SPOCK3: variants seen among roughly 807,000 people sequenced by gnomAD.
The protein encoded by SPOCK3 is SPARC (osteonectin), cwcv and kazal like domains proteoglycan 3, also known as testican-3.
A neutral mutation model predicts 56.6 loss-of-function variants in SPOCK3; 30 were observed. The ratio of observed to expected loss-of-function variants is 0.53; its 90% CI spans 0.40 to 0.72. The LOEUF (loss-of-function observed/expected upper bound fraction) is 0.72, where lower values mean the gene tolerates loss of function less well. SPOCK3 is among the 30% of genes least tolerant of loss of function. The pLI, the probability that SPOCK3 is intolerant of heterozygous loss-of-function variation, is 0.00. For synonymous variants in SPOCK3, 196 were observed against 183.3 expected, an observed-to-expected ratio of 1.07 and a Z score of -0.56; for missense variants, 527 against 530.0, an observed-to-expected ratio of 0.99 and a Z score of 0.06.
intron 4 of SPOCK3, among the ~76,000 whole-genome samples, chr4:166,976,544 C>G (rs974891782): frequency 2.6e-5 from 4 of 152,160 alleles, no homozygotes; most frequent in African/African-American, 9.7e-5. Flanking sequence ...ACCCAAGTGA[C>G]TCAACCTACT....
At chr4:167,026,979 T>C (rs993188629) in intron 3 of SPOCK3, among the ~76,000 whole-genome samples, 7 of 151,974 alleles carry the variant, frequency 4.6e-5, no homozygotes, top group African/African-American at 1.7e-4. Flanking sequence ...TCCTATCATA[T>C]AATTTTCTCC....
chr4:167,026,634 A>C (rs971695803), intron 3 of SPOCK3, among the ~76,000 whole-genome samples: 3 of 152,042 alleles, frequency 2.0e-5, no homozygotes, highest in African/African-American at 7.2e-5. Flanking sequence ...TTTGAAGTCA[A>C]AATAATAAAG....
rs936402268 is a variant in SPOCK3, at chr4:167,234,050, T to C, written c.124A>G (p.Lys42Glu). 8 of 1,613,970 alleles carry C rather than the reference T, an allele frequency of 5.0e-6. No individual in the cohort carries two copies. The highest frequency in any genetic ancestry group is 6.8e-6 in the Non-Finnish European group (8 of 1,179,992). Residue 42 changes from lysine to glutamate, a missense_variant, in exon 2 of 11, where the codon AAA becomes GAA. Lys to Glu is a moderately conservative substitution (Grantham distance 56). Coordinates refer to ENST00000357545, the MANE Select transcript of SPOCK3 (RefSeq NM_001040159.2). ...RSDGGNFLDD[K>E]QWLTTISQYD... ...TGAGAGATTGTGGTGAGCCATTGTT[T>C]ATCATCCAGAAAATTACCGCCGTCC...
intron 6 of SPOCK3, among the ~76,000 whole-genome samples, chr4:166,837,213 GT>G (rs369375768): frequency 1.6e-3 from 238 of 152,200 alleles, no homozygotes; most frequent in Middle Eastern, 0.01. Context: ...GTAAGTTTTG[GT>G]TTTTTTCTTT....
chr4:167,192,498 C>T (rs1732557317), intron 2 of SPOCK3, among the ~76,000 whole-genome samples: 1 of 145,314 alleles, frequency 6.9e-6, no homozygotes, highest in Admixed American at 7.1e-5. Context: ...TCTATTTCTT[C>T]TTAATTCGTT....
intron 2 of SPOCK3, among the ~76,000 whole-genome samples, chr4:167,192,776 C>T (rs545152780): frequency 6.9e-6 from 1 of 145,730 alleles, no homozygotes; most frequent in African/African-American, 2.6e-5. Context: ...TGCTGCCTCC[C>T]GTAACTTTTG....
At chr4:167,168,036 C>T (rs998797596) in intron 2 of SPOCK3, among the ~76,000 whole-genome samples, 3 of 152,232 alleles carry the variant, frequency 2.0e-5, no homozygotes, top group African/African-American at 7.2e-5. Context: ...AGCTCTCTTG[C>T]CTGCTGCCAT....
chr4:167,005,747 G>T (rs1424089041), intron 3 of SPOCK3, among the ~76,000 whole-genome samples: 2 of 152,066 alleles, frequency 1.3e-5, no homozygotes, highest in South Asian at 4.1e-4. Context: ...ATAATTGAAA[G>T]GTCTTTGTTT....
chr4:167,016,966 A>G (rs1302140653), intron 3 of SPOCK3, among the ~76,000 whole-genome samples: 1 of 152,174 alleles, frequency 6.6e-6, no homozygotes. Context: ...GGATTATTCT[A>G]TGGAATGGAA....
At position 166,747,162 on chromosome 4, in the gene SPOCK3, C is replaced by T. The variant is rs370393888; in HGVS notation, c.932-5103G>A. Among the ~76,000 whole-genome samples the T allele has an allele frequency of 5.3e-5, 8 of 152,238 alleles. 1 individual carries two copies. The East Asian group carries it at 5.8e-4, about 11-fold the overall frequency. On this transcript the variant is annotated intron_variant, in intron 8 of 10. Transcript: ENST00000357545. ...GGTCAACATCATCCTGATACCAAAG[C>T]CTGGCAGAGACACAGCAAACAAAGA...
At chr4:166,819,306 T>C (rs1456706090) in intron 6 of SPOCK3, among the ~76,000 whole-genome samples, 3 of 152,026 alleles carry the variant, frequency 2.0e-5, no homozygotes, top group African/African-American at 7.2e-5. Flanking sequence ...CCCTCTAACA[T>C]AAAGAACAAT....
chr4:166,825,332 TAGTTA>T lies in SPOCK3; in HGVS notation c.590-33048_590-33044del, dbSNP rs760941000. On this transcript the variant is annotated intron_variant, in intron 6 of 10. Coordinates refer to ENST00000357545, the MANE Select transcript of SPOCK3 (RefSeq NM_001040159.2). ...ACTACAATAATATCCTGTTATTGTA[TAGTTA>T]AGTTATTTTACTGCAAATCTTATCT... Among the ~76,000 whole-genome samples, 39 of 152,102 alleles carry T rather than the reference TAGTTA, an allele frequency of 2.6e-4. 1 individual carries two copies. Among genetic ancestry groups the T allele is most frequent in the African/African-American group, 4.1e-4 (17 of 41,432 alleles).
intron 3 of SPOCK3, among the ~76,000 whole-genome samples, chr4:167,027,628 G>A (rs751170551): frequency 1.3e-5 from 2 of 151,918 alleles, no homozygotes; most frequent in Non-Finnish European, 2.9e-5. Flanking sequence ...AAGCCTTACC[G>A]TTAACAGTCC....
At chr4:167,092,886 T>C (rs1171558666) in intron 2 of SPOCK3, among the ~76,000 whole-genome samples, 2 of 152,202 alleles carry the variant, frequency 1.3e-5, no homozygotes, top group African/African-American at 4.8e-5. Flanking sequence ...ACCTTGTCAC[T>C]TTTTATACTT....
chr4:167,168,182 G>A (rs1458937162), intron 2 of SPOCK3, among the ~76,000 whole-genome samples: 1 of 152,140 alleles, frequency 6.6e-6, no homozygotes, highest in Admixed American at 6.6e-5. Context: ...CTAGCAGCAG[G>A]AGAAAGAACT....
chr4:166,735,178 A>AT lies in SPOCK3; in HGVS notation c.1133-89dup, dbSNP rs1560799965. 2.0e-5 allele frequency: 16 copies of AT among 805,790 alleles called. No individual in the cohort carries two copies. In the South Asian group the frequency reaches 2.9e-4, roughly 15 times the overall value. 49.9% of individuals were successfully genotyped at this position (805,790 alleles called of 1,614,324 possible). ...TAAAATCCTTATAAAAATTAAGAAT[A>AT]TTTTTTAGAAAGTAATTTGTTTTCT... On this transcript the variant is annotated intron_variant, in intron 10 of 10. Coordinates refer to ENST00000357545, the MANE Select transcript of SPOCK3 (RefSeq NM_001040159.2).
In SPOCK3 at chr4:166,994,505, C is replaced by T; in HGVS notation, c.350+5844G>A. ...CTGCTGTAAGAAATCTGCAATGTGC[C>T]ATTGGGAGAAAACTACAGAGGAGGC... On this transcript the variant is annotated intron_variant, in intron 4 of 10. Transcript: ENST00000357545. Among the ~76,000 whole-genome samples, 2 of 152,056 alleles carry T rather than the reference C, an allele frequency of 1.3e-5. 1 individual carries two copies. Among genetic ancestry groups the T allele is most frequent in the Non-Finnish European group, 2.9e-5 (2 of 68,018 alleles).
chr4:166,922,237 C>G (rs774843131), intron 4 of SPOCK3, among the ~76,000 whole-genome samples: 10 of 152,096 alleles, frequency 6.6e-5, no homozygotes, highest in Non-Finnish European at 1.2e-4. Context: ...ACAAGATATT[C>G]AGGAACAATT....
At chr4:166,893,872 C>T (rs1735059043) in intron 5 of SPOCK3, among the ~76,000 whole-genome samples, 1 of 152,114 alleles carries the variant, frequency 6.6e-6, no homozygotes, top group Non-Finnish European at 1.5e-5. Flanking sequence ...TCATATTCAG[C>T]TGTAGCTAAC....
Sources: gnomAD v4.1 joint callset for allele counts (sites outside exome capture counted in the v4.1 genomes callset) on GRCh38, gnomAD v4.1.1 for gene constraint, MANE v1.5 for transcripts, NCBI Gene and HGNC (gene_info 2026-07-23, HGNC 2026-07-21) for gene names.